Variants in TMEM178B observed in about 807,000 individuals in gnomAD.
TMEM178B encodes transmembrane protein 178B.
A neutral mutation model predicts 31.0 loss-of-function variants in TMEM178B; 5 were observed. The ratio of observed to expected loss-of-function variants is 0.16; its 90% CI spans 0.08 to 0.34. The LOEUF is 0.34. Among genes scored for constraint, TMEM178B ranks in the 10% least tolerant of loss-of-function variants. The pLI, the probability that TMEM178B is intolerant of heterozygous loss-of-function variation, is 1.00. For missense variants in TMEM178B, 275 were observed against 400.3 expected, an observed-to-expected ratio of 0.69 and a Z score of 2.67; for synonymous variants, 164 against 164.0, an observed-to-expected ratio of 1.00 and a Z score of 0.00.
intron 2 of TMEM178B, among the ~76,000 whole-genome samples, chr7:141,415,847 G>A (rs1438543204): frequency 6.6e-6 from 1 of 152,194 alleles, no homozygotes; most frequent in South Asian, 2.1e-4. Context: ...GAGAGATGTG[G>A]ATCAGAAGCC....
At chr7:141,148,021 A>G (rs1795883204) in intron 1 of TMEM178B, among the ~76,000 whole-genome samples, 1 of 152,214 alleles carries the variant, frequency 6.6e-6, no homozygotes, top group African/African-American at 2.4e-5. Context: ...TTATAGTACC[A>G]GATATCCAAA....
chr7:141,258,707 A>C (rs1241895874), intron 2 of TMEM178B, among the ~76,000 whole-genome samples: 1 of 152,180 alleles, frequency 6.6e-6, no homozygotes. Flanking sequence ...TTTTTGAAGC[A>C]TCAGTTTGCT....
the TMEM178B span, among the ~76,000 whole-genome samples, chr7:141,495,096 TC>T: frequency 6.6e-6 from 1 of 152,150 alleles, no homozygotes; most frequent in African/African-American, 2.4e-5. Context: ...GACTATAAGA[TC>T]CTGATTTTGG....
At chr7:141,248,326 G>A (rs562143461) in intron 2 of TMEM178B, among the ~76,000 whole-genome samples, 54 of 152,258 alleles carry the variant, frequency 3.5e-4, no homozygotes, top group African/African-American at 1.3e-3. Flanking sequence ...CACGAGAATC[G>A]CTTGAACCTG....
chr7:141,240,627 A>C (rs1478857475), intron 2 of TMEM178B, among the ~76,000 whole-genome samples: 2 of 152,274 alleles, frequency 1.3e-5, no homozygotes, highest in African/African-American at 4.8e-5. Flanking sequence ...ATTAGATTGC[A>C]TTTTAATACC....
chr7:141,207,472 A>G (rs1563117693), intron 1 of TMEM178B, among the ~76,000 whole-genome samples: 1 of 152,152 alleles, frequency 6.6e-6, no homozygotes, highest in Non-Finnish European at 1.5e-5. Context: ...TTATTTTGAT[A>G]ATAGCCATCC....
At chr7:141,199,762 A>T (rs146777742) in intron 1 of TMEM178B, among the ~76,000 whole-genome samples, 7 of 152,132 alleles carry the variant, frequency 4.6e-5, no homozygotes, top group East Asian at 1.9e-4. Flanking sequence ...AATAAAAAAA[A>T]TTTTTTTGGC....
chr7:141,243,498 T>A (rs1218200831), intron 2 of TMEM178B, among the ~76,000 whole-genome samples: 1 of 152,048 alleles, frequency 6.6e-6, no homozygotes, highest in Admixed American at 6.5e-5. Flanking sequence ...CAGGGGCTGG[T>A]GGTGTCCTCA....
intron 2 of TMEM178B, among the ~76,000 whole-genome samples, chr7:141,324,740 A>G (rs1799160583): frequency 1.3e-5 from 2 of 151,536 alleles, no homozygotes; most frequent in Non-Finnish European, 2.9e-5. Flanking sequence ...TGCTACTTGT[A>G]TGTGTGTGTG....
chr7:141,096,697 C>G (rs965388029), intron 1 of TMEM178B, among the ~76,000 whole-genome samples: 4 of 152,162 alleles, frequency 2.6e-5, no homozygotes, highest in African/African-American at 9.7e-5. Context: ...TAATAAACTA[C>G]AAAATGTAAG....
At chr7:141,459,953 A>C (rs1462577463) in intron 3 of TMEM178B, among the ~76,000 whole-genome samples, 1 of 152,058 alleles carries the variant, frequency 6.6e-6, no homozygotes, top group African/African-American at 2.4e-5. Context: ...GGAGAAAAAA[A>C]AAAAAAAAAG....
intron 2 of TMEM178B, among the ~76,000 whole-genome samples, chr7:141,252,114 T>C (rs1251475256): frequency 6.6e-6 from 1 of 152,190 alleles, no homozygotes. Flanking sequence ...CTAGAAGTAC[T>C]AATGAGACAG....
At chr7:141,264,860 C>T (rs1639139645) in intron 2 of TMEM178B, among the ~76,000 whole-genome samples, 1 of 152,142 alleles carries the variant, frequency 6.6e-6, no homozygotes, top group Admixed American at 6.5e-5. Flanking sequence ...GTTTTGCGAG[C>T]ATGTCAATAG....
downstream of TMEM178B, among the ~76,000 whole-genome samples, chr7:141,481,683 G>T (rs182080740): frequency 2.0e-5 from 3 of 152,270 alleles, 1 homozygote; most frequent in African/African-American, 7.2e-5. Flanking sequence ...GTGAGGGCAG[G>T]TGACTTATAG....
rs190666943 is a variant in TMEM178B, at chr7:141,393,324, C to A, written c.497-44284C>A. 2.6e-5 allele frequency among the ~76,000 whole-genome samples: 4 copies of A among 152,204 alleles called. No homozygotes were observed. In the East Asian group the frequency reaches 7.7e-4, roughly 29 times the overall value. ...TATTTACTCAGCATCGAGGGGAAGTCACAGGAAATATAAAGCACTTGAAAC... is the reference window on the plus strand; with the variant it reads ...TATTTACTCAGCATCGAGGGGAAGTAACAGGAAATATAAAGCACTTGAAAC... On this transcript the variant is annotated intron_variant, in intron 2 of 3. Coordinates refer to ENST00000565468, the MANE Select transcript of TMEM178B (RefSeq NM_001195278.2).
chr7:141,470,515 G>A, intron 3 of TMEM178B, 21 bp from the exon 4 acceptor site: 3 of 1,485,716 alleles, frequency 2.0e-6, no homozygotes, highest in Non-Finnish European at 2.7e-6. Flanking sequence ...CCCATCCTGT[G>A]TCTTTTCCCT....
intron 3 of TMEM178B, among the ~76,000 whole-genome samples, chr7:141,458,093 C>T (rs1171717345): frequency 6.6e-6 from 1 of 152,114 alleles, no homozygotes; most frequent in Non-Finnish European, 1.5e-5. Context: ...GTGACCTTTT[C>T]TCTCAACTTT....
chr7:141,212,872 G>A, intron 2 of TMEM178B, 168 bp downstream of exon 2: 1 of 543,882 alleles, frequency 1.8e-6, no homozygotes. Flanking sequence ...AGTTGGTTTT[G>A]ATTGCATTAT....
At chr7:141,364,800 A>G (rs2116553609) in intron 2 of TMEM178B, among the ~76,000 whole-genome samples, 1 of 152,254 alleles carries the variant, frequency 6.6e-6, no homozygotes, top group South Asian at 2.1e-4. Context: ...TGTAAAGGGA[A>G]ATTCCCTCAG....
Sources: allele counts gnomAD v4.1 joint callset (sites outside exome capture counted in the v4.1 genomes callset), GRCh38; gene constraint gnomAD v4.1.1; transcripts MANE v1.5; gene names NCBI Gene and HGNC (gene_info 2026-07-23, HGNC 2026-07-21).